The following HLCS variants were observed in gnomAD, a reference collection of about 807,000 sequenced individuals.
HLCS encodes biotin--protein ligase.
In HLCS, 53 loss-of-function variants were observed where a neutral mutation model predicts 75.0. The ratio of observed to expected loss-of-function variants is 0.71; its 90% CI spans 0.57 to 0.89. HLCS has a LOEUF of 0.89. Ranked by LOEUF, HLCS falls within the 40% of genes least tolerant of loss-of-function variation. HLCS has a pLI of 0.00. For synonymous variants in HLCS, 431 were observed against 428.6 expected, an observed-to-expected ratio of 1.01 and a Z score of -0.07; for missense variants, 966 against 1,074.0, an observed-to-expected ratio of 0.90 and a Z score of 1.41.
chr21:36,912,517 T>C (rs957593130), intron 5 of HLCS, among the ~76,000 whole-genome samples: 1 of 152,176 alleles, frequency 6.6e-6, no homozygotes, highest in Non-Finnish European at 1.5e-5. Context: ...ATTTATTCAC[T>C]GTTACAGAGT....
At chr21:36,911,253 C>T (rs1053556464) in intron 5 of HLCS, among the ~76,000 whole-genome samples, 3 of 152,152 alleles carry the variant, frequency 2.0e-5, no homozygotes, top group South Asian at 2.1e-4. Flanking sequence ...TGCGCTGCCT[C>T]TCCTGCCCCC....
chr21:36,858,093 C>A (rs1173439561), intron 6 of HLCS, among the ~76,000 whole-genome samples: 1 of 151,970 alleles, frequency 6.6e-6, no homozygotes, highest in Non-Finnish European at 1.5e-5. Flanking sequence ...TGGCCAGGAT[C>A]TTGTTTATTT....
intron 6 of HLCS, among the ~76,000 whole-genome samples, chr21:36,801,778 CTTTCT>C (rs1195045951): frequency 6.7e-6 from 1 of 149,794 alleles, no homozygotes; most frequent in Non-Finnish European, 1.5e-5. Context: ...GATTGATTTC[CTTTCT>C]TTTTTTTTTT....
At chr21:36,949,448 G>C (rs2067567296) in intron 2 of HLCS, among the ~76,000 whole-genome samples, 1 of 152,190 alleles carries the variant, frequency 6.6e-6, no homozygotes, top group African/African-American at 2.4e-5. Context: ...CACAGTATGG[G>C]AGCTGGACTC....
At chr21:36,967,753 T>C (rs1308166995), upstream of HLCS, among the ~76,000 whole-genome samples, 1 of 152,228 alleles carries the variant, frequency 6.6e-6, no homozygotes, top group East Asian at 1.9e-4. Context: ...ACAGTCTCTC[T>C]CTGTCACCCA....
intron 6 of HLCS, among the ~76,000 whole-genome samples, chr21:36,829,763 A>G (rs918953955): frequency 6.6e-6 from 1 of 152,180 alleles, no homozygotes. Context: ...CTTCCCAGAG[A>G]GGACTTACTT....
chr21:36,807,883 C>T (rs754344351), intron 6 of HLCS, among the ~76,000 whole-genome samples: 5 of 152,082 alleles, frequency 3.3e-5, no homozygotes, highest in Non-Finnish European at 7.4e-5. Context: ...ATTATGGGCA[C>T]ATTGCACAAC....
intron 6 of HLCS, among the ~76,000 whole-genome samples, chr21:36,863,447 C>T (rs1408728187): frequency 1.3e-5 from 2 of 152,116 alleles, no homozygotes; most frequent in African/African-American, 4.8e-5. Flanking sequence ...TTTAGTGAAA[C>T]TAAAACAGAA....
intron 6 of HLCS, among the ~76,000 whole-genome samples, chr21:36,796,149 C>G (rs2145900007): frequency 6.6e-6 from 1 of 152,078 alleles, no homozygotes; most frequent in Non-Finnish European, 1.5e-5. Context: ...AGATAGTGGA[C>G]AAGAAAATAA....
intron 2 of HLCS, among the ~76,000 whole-genome samples, chr21:36,946,491 C>T (rs1366035499): frequency 6.6e-6 from 1 of 152,144 alleles, no homozygotes; most frequent in African/African-American, 2.4e-5. Context: ...ACCCTCCTGC[C>T]TCAACCTCCC....
intron 1 of HLCS, among the ~76,000 whole-genome samples, chr21:36,987,259 C>T (rs981238191): frequency 1.3e-5 from 2 of 152,120 alleles, no homozygotes; most frequent in African/African-American, 2.4e-5. Flanking sequence ...CTCATTGCTA[C>T]TTGGGTGGCC....
intron 6 of HLCS, among the ~76,000 whole-genome samples, chr21:36,820,846 T>C (rs1436191460): frequency 6.6e-6 from 1 of 152,196 alleles, no homozygotes; most frequent in African/African-American, 2.4e-5. Flanking sequence ...GCTTTTGTCT[T>C]TTCGATGACC....
intron 6 of HLCS, among the ~76,000 whole-genome samples, chr21:36,807,633 T>G (rs73212671): frequency 0.075 from 11,378 of 152,204 alleles, 469 homozygotes; most frequent in African/African-American, 0.094. Context: ...TAATAACCGC[T>G]AACACTGAGT....
At chr21:36,772,795 C>T (rs1191545956) in intron 6 of HLCS, among the ~76,000 whole-genome samples, 1 of 151,964 alleles carries the variant, frequency 6.6e-6, no homozygotes, top group Non-Finnish European at 1.5e-5. Context: ...CCATCCTGGC[C>T]AACAGAGTGA....
At chr21:36,935,849 T>C (rs938416806) in intron 4 of HLCS, among the ~76,000 whole-genome samples, 2 of 152,252 alleles carry the variant, frequency 1.3e-5, no homozygotes, top group South Asian at 4.1e-4. Context: ...ATTTTCCCCC[T>C]ACCTATGTAT....
chr21:36,939,749 C>CAGCCTGTG (rs1167924328), intron 2 of HLCS, among the ~76,000 whole-genome samples: 1 of 152,178 alleles, frequency 6.6e-6, no homozygotes, highest in Non-Finnish European at 1.5e-5. Context: ...ATGGAGAAGA[C>CAGCCTGTG]AGCCTGTGAG....
intron 6 of HLCS, among the ~76,000 whole-genome samples, chr21:36,825,138 T>C (rs565393925): frequency 2.0e-5 from 3 of 152,232 alleles, no homozygotes; most frequent in East Asian, 3.9e-4. Context: ...CCCTAGAACT[T>C]TGGGAAACTG....
At chr21:36,850,606 C>CGGA (rs1451786104) in intron 6 of HLCS, among the ~76,000 whole-genome samples, 2 of 149,980 alleles carry the variant, frequency 1.3e-5, no homozygotes, top group Admixed American at 1.3e-4. Context: ...GCCTTGAGTC[C>CGGA]GGAGACCCCT....
rs1404731478 is a variant in HLCS, at chr21:36,754,007, C to T, written c.*239G>A. The T allele has an allele frequency of 1.7e-6, 1 of 572,628 alleles. No homozygotes were observed. Among genetic ancestry groups the T allele is most frequent in the Non-Finnish European group, 3.1e-6 (1 of 321,370 alleles). The allele number at this position is 572,628 out of a possible 1,614,324, so 35.5% of individuals were successfully genotyped here. On this transcript the variant is annotated 3_prime_UTR_variant, in exon 11 of 11. Transcript: ENST00000674895. The stretch of plus-strand genomic sequence containing the variant: ...AAGCCACAGAGGGGAGAGCAATTTC[C>T]CACCTGTGGGAGGGCTTTCCCTAAA...
Sources: gnomAD v4.1 joint callset for allele counts (sites outside exome capture counted in the v4.1 genomes callset) on GRCh38, gnomAD v4.1.1 for gene constraint, MANE v1.5 for transcripts, NCBI Gene and HGNC (gene_info 2026-07-23, HGNC 2026-07-21) for gene names.